NSRP1: variants seen among roughly 807,000 people sequenced by gnomAD.
NSRP1 encodes coiled-coil domain containing 55.
A neutral mutation model predicts 54.7 loss-of-function variants in NSRP1; 24 were observed. The ratio of observed to expected loss-of-function variants is 0.44; its 90% CI spans 0.32 to 0.62. The LOEUF (loss-of-function observed/expected upper bound fraction) is 0.62. Ranked by LOEUF, NSRP1 falls within the 20% of genes least tolerant of loss-of-function variation. NSRP1 has a pLI of 0.06. For missense variants in NSRP1, 596 were observed against 651.2 expected (o/e 0.92, Z 0.92); for synonymous variants, 210 against 213.8 (o/e 0.98, Z 0.15).
At chr17:30,170,671 C>G (rs969627171) in intron 2 of NSRP1, among the ~76,000 whole-genome samples, 1 of 152,084 alleles carries the variant, frequency 6.6e-6, no homozygotes, top group Non-Finnish European at 1.5e-5. Context: ...GTTTCTTTAT[C>G]CATTCATTTG....
At chr17:30,150,537 C>T (rs554734530) in intron 2 of NSRP1, 1 of 151,998 alleles carries the variant, frequency 6.6e-6, no homozygotes, top group Admixed American at 6.6e-5. Flanking sequence ...CGTCCGCCAT[C>T]ACGCCCGGCT....
intron 2 of NSRP1, among the ~76,000 whole-genome samples, chr17:30,138,908 C>CGTTTT (rs2071774121): frequency 4.6e-5 from 3 of 64,926 alleles, no homozygotes; most frequent in African/African-American, 4.7e-5. Flanking sequence ...CAAGTCTTAG[C>CGTTTT]GTTTTTTTTT....
chr17:30,146,156 C>T (rs1156963762), intron 2 of NSRP1, among the ~76,000 whole-genome samples: 1 of 151,986 alleles, frequency 6.6e-6, no homozygotes, highest in Non-Finnish European at 1.5e-5. Context: ...GCCAAAATAT[C>T]GTTTTTTAAA....
At chr17:30,152,838 T>C (rs778734724) in intron 2 of NSRP1, among the ~76,000 whole-genome samples, 3 of 151,762 alleles carry the variant, frequency 2.0e-5, no homozygotes, top group Admixed American at 6.6e-5. Context: ...TCTGATTTTA[T>C]AATTACTATC....
chr17:30,151,657 A>C (rs1489582662), intron 2 of NSRP1, among the ~76,000 whole-genome samples: 1 of 152,062 alleles, frequency 6.6e-6, no homozygotes, highest in Non-Finnish European at 1.5e-5. Flanking sequence ...AAGGTGAGGC[A>C]GGCACATTGG....
At chr17:30,177,665 G>A (rs753228931) in intron 3 of NSRP1, among the ~76,000 whole-genome samples, 2 of 152,174 alleles carry the variant, frequency 1.3e-5, no homozygotes, top group East Asian at 1.9e-4. Context: ...TGTTTCCATC[G>A]TACCTTTTGA....
chr17:30,180,916 G>T lies in NSRP1; in HGVS notation c.517G>T (p.Asp173Tyr). Residue 173 changes from aspartate to tyrosine, a missense_variant, in exon 6 of 7, where the codon GAT becomes TAT. Physicochemically the swap from Asp to Tyr is radical, Grantham distance 160. Transcript: ENST00000247026. ...TGCTTTCCCTCTGTTAGCATGTTTGGATGTAACCAAGCAGAAAGATCTCAG... is the reference window on the plus strand; with the variant it reads ...TGCTTTCCCTCTGTTAGCATGTTTGTATGTAACCAAGCAGAAAGATCTCAG... ...KRAAALEACL[D>Y]VTKQKDLSGF... is the part of the protein sequence containing the mutation. 6.2e-7 allele frequency: 1 copy of T among 1,610,360 alleles called. No individual in the cohort carries two copies. Among genetic ancestry groups the T allele is most frequent in the South Asian group, 1.1e-5 (1 of 90,920 alleles).
At chr17:30,139,909 A>G in intron 2 of NSRP1, among the ~76,000 whole-genome samples, 1 of 152,190 alleles carries the variant, frequency 6.6e-6, no homozygotes, top group East Asian at 1.9e-4. Flanking sequence ...CTGTAGTCCC[A>G]GCTACTGGGG....
At position 30,118,250 on chromosome 17, in the gene NSRP1, C is replaced by CT. The variant is rs1007650349; in HGVS notation, c.114+80dup. The stretch of plus-strand genomic sequence containing the variant: ...AAAATTGAACTTGTGACTCTGATAC[C>CT]TTTGCCTTTGTTATTTGTCAGTACA... On this transcript the variant is annotated intron_variant, in intron 2 of 6. Coordinates refer to ENST00000247026, the MANE Select transcript of NSRP1 (RefSeq NM_032141.4). The CT allele has an allele frequency of 4.1e-5, 45 of 1,110,014 alleles. No homozygotes were observed. In the Admixed American group the frequency reaches 4.1e-4, roughly 10 times the overall value. The allele number at this position is 1,110,014 out of a possible 1,614,324, so 68.8% of individuals were successfully genotyped here.
chr17:30,145,975 G>A (rs1019185712), intron 2 of NSRP1, among the ~76,000 whole-genome samples: 2 of 151,036 alleles, frequency 1.3e-5, no homozygotes, highest in Non-Finnish European at 3.0e-5. Context: ...TTTGTCTTCC[G>A]AGTAGCTAGG....
At chr17:30,145,100 A>G (rs2071841643) in intron 2 of NSRP1, among the ~76,000 whole-genome samples, 1 of 152,208 alleles carries the variant, frequency 6.6e-6, no homozygotes, top group Admixed American at 6.5e-5. Context: ...TACAGCATAT[A>G]CGTCTACTGT....
At position 30,170,444 on chromosome 17, in the gene NSRP1, C is replaced by T. The variant is rs145424949; in HGVS notation, c.115-2098C>T. Among the ~76,000 whole-genome samples the T allele has an allele frequency of 3.8e-3, 584 of 152,280 alleles. 3 individuals carry two copies. The highest frequency in any genetic ancestry group is 0.013 in the African/African-American group (558 of 41,574). ...TGTTCATCTTGTTACATACCTACCT[C>T]TTCCCATTTCCTCTCACCCCACCCC... is the stretch of plus-strand genomic sequence containing the variant. On this transcript the variant is annotated intron_variant, in intron 2 of 6. Coordinates refer to ENST00000247026, the MANE Select transcript of NSRP1 (RefSeq NM_032141.4).
intron 2 of NSRP1, among the ~76,000 whole-genome samples, chr17:30,137,090 G>T (rs2071757164): frequency 6.6e-6 from 1 of 152,078 alleles, no homozygotes; most frequent in African/African-American, 2.4e-5. Flanking sequence ...TTGAAATATA[G>T]TGGTAATAGC....
chr17:30,143,712 A>G (rs2071826807), intron 2 of NSRP1, among the ~76,000 whole-genome samples: 1 of 152,182 alleles, frequency 6.6e-6, no homozygotes, highest in South Asian at 2.1e-4. Flanking sequence ...TAATTGGAAA[A>G]CATGTCATTA....
intron 2 of NSRP1, among the ~76,000 whole-genome samples, chr17:30,119,208 A>G (rs146960239): frequency 0.018 from 2,656 of 150,364 alleles, 69 homozygotes; most frequent in African/African-American, 0.058. Flanking sequence ...TCCTGCTTCA[A>G]TCTCCTGAGT....
chr17:30,119,369 C>A (rs997441802), intron 2 of NSRP1, among the ~76,000 whole-genome samples: 2 of 151,884 alleles, frequency 1.3e-5, no homozygotes, highest in Admixed American at 1.3e-4. Context: ...CCCACCACCA[C>A]GCCCAGCTAA....
At chr17:30,116,891 C>T (rs765334041) in intron 1 of NSRP1, 28 bp downstream of exon 1, 2 of 1,565,596 alleles carry the variant, frequency 1.3e-6, no homozygotes, top group Non-Finnish European at 1.7e-6. Context: ...TAGGGTCAGG[C>T]TGGGGGATGA....
intron 2 of NSRP1, among the ~76,000 whole-genome samples, chr17:30,170,734 A>G (rs540367165): frequency 1.5e-4 from 23 of 152,304 alleles, no homozygotes; most frequent in Non-Finnish European, 7.3e-5. Flanking sequence ...TAATGCTGCA[A>G]TGAACATGGG....
At chr17:30,158,402 C>G (rs149763767) in intron 2 of NSRP1, among the ~76,000 whole-genome samples, 1 of 149,210 alleles carries the variant, frequency 6.7e-6, no homozygotes, top group African/African-American at 2.5e-5. Context: ...AACGTTTTCT[C>G]TCATTCATCA....
Sources: allele counts gnomAD v4.1 joint callset (sites outside exome capture counted in the v4.1 genomes callset), GRCh38; gene constraint gnomAD v4.1.1; transcripts MANE v1.5; gene names NCBI Gene and HGNC (gene_info 2026-07-23, HGNC 2026-07-21).